Variants in HOMER1 observed in about 807,000 individuals in gnomAD.
The protein encoded by HOMER1 is homer protein homolog 1.
Under a neutral mutation model 48.9 loss-of-function variants are expected in HOMER1, and 3 were observed. The observed-to-expected ratio is 0.06, with a 90% confidence interval of 0.03 to 0.16. The LOEUF (loss-of-function observed/expected upper bound fraction) is 0.16. Ranked by LOEUF, HOMER1 falls within the 10% of genes least tolerant of loss-of-function variation. HOMER1 has a pLI of 1.00. For missense variants in HOMER1, 247 were observed against 411.4 expected, an observed-to-expected ratio of 0.60 and a Z score of 3.46; for synonymous variants, 134 against 146.4, an observed-to-expected ratio of 0.92 and a Z score of 0.61.
intron 5 of HOMER1, among the ~76,000 whole-genome samples, chr5:79,436,119 C>T (rs1026974488): frequency 6.8e-6 from 1 of 147,260 alleles, no homozygotes; most frequent in African/African-American, 2.5e-5. Context: ...GGCGACAGAG[C>T]GAGACTCCGT....
chr5:79,433,583 AC>A (rs1750484052), intron 5 of HOMER1, among the ~76,000 whole-genome samples: 1 of 151,798 alleles, frequency 6.6e-6, no homozygotes. Flanking sequence ...AAACAAACAA[AC>A]AAAAAAGATT....
intron 1 of HOMER1, among the ~76,000 whole-genome samples, chr5:79,484,447 T>C (rs755889192): frequency 7.9e-5 from 12 of 152,034 alleles, no homozygotes; most frequent in Non-Finnish European, 1.8e-4. Context: ...AGAGATTAGC[T>C]AGGTGCCATG....
intron 5 of HOMER1, among the ~76,000 whole-genome samples, chr5:79,403,865 G>T (rs754781504): frequency 6.6e-6 from 1 of 152,154 alleles, no homozygotes; most frequent in Non-Finnish European, 1.5e-5. Flanking sequence ...TACTAAGTGA[G>T]AAAATATCAT....
intron 1 of HOMER1, among the ~76,000 whole-genome samples, chr5:79,469,821 G>A (rs954056012): frequency 6.6e-6 from 1 of 151,988 alleles, no homozygotes; most frequent in East Asian, 1.9e-4. Flanking sequence ...AGCGTTTCAC[G>A]TAACAAAAAC....
intron 1 of HOMER1, among the ~76,000 whole-genome samples, chr5:79,463,664 G>T (rs1751379102): frequency 6.6e-6 from 1 of 152,162 alleles, no homozygotes; most frequent in South Asian, 2.1e-4. Flanking sequence ...TACTGTAATT[G>T]GTGGCAGTTC....
chr5:79,387,392 G>C (rs1438834102), intron 8 of HOMER1, among the ~76,000 whole-genome samples: 1 of 152,040 alleles, frequency 6.6e-6, no homozygotes, highest in Non-Finnish European at 1.5e-5. Context: ...GCCTCCCAAA[G>C]TACTGGGATT....
rs199554458 is a variant in HOMER1, at chr5:79,400,355, C to CT, written c.684+1543dup. Among the ~76,000 whole-genome samples, 823 of 141,276 alleles carry CT rather than the reference C, an allele frequency of 5.8e-3. 1 individual carries two copies. The highest frequency in any genetic ancestry group is 0.012 in the African/African-American group (457 of 38,718). 92.7% of individuals were successfully genotyped at this position (141,276 alleles called of 152,430 possible). Reference sequence around the variant, plus strand: ...GTCTCAACTGCATTTCCTTTTCTTTCTTTTTTTTTTTTTTTCTGAGATAAG... The same window carrying CT: ...GTCTCAACTGCATTTCCTTTTCTTTCTTTTTTTTTTTTTTTTCTGAGATAAG... On this transcript the variant is annotated intron_variant, in intron 6 of 8. Coordinates refer to ENST00000334082, the MANE Select transcript of HOMER1 (RefSeq NM_004272.5).
chr5:79,464,400 G>GC (rs1272014885), intron 1 of HOMER1, among the ~76,000 whole-genome samples: 1 of 152,154 alleles, frequency 6.6e-6, no homozygotes, highest in African/African-American at 2.4e-5. Flanking sequence ...GGCAAGAGAA[G>GC]CTGAACAATA....
At chr5:79,443,203 A>G (rs1418921660) in intron 4 of HOMER1, among the ~76,000 whole-genome samples, 1 of 152,258 alleles carries the variant, frequency 6.6e-6, no homozygotes, top group Non-Finnish European at 1.5e-5. Flanking sequence ...GCAAAACTAG[A>G]GTGGTAATTT....
chr5:79,389,942 CATTATT>C (rs1245768749), intron 8 of HOMER1, among the ~76,000 whole-genome samples: 1 of 152,202 alleles, frequency 6.6e-6, no homozygotes, highest in East Asian at 1.9e-4. Flanking sequence ...ATAACAAGCA[CATTATT>C]ATTAAGTGTG....
At chr5:79,438,010 G>A (rs1005181463) in intron 5 of HOMER1, among the ~76,000 whole-genome samples, 1 of 152,092 alleles carries the variant, frequency 6.6e-6, no homozygotes, top group Non-Finnish European at 1.5e-5. Flanking sequence ...TGACAATGAG[G>A]TCTCCCAATG....
intron 5 of HOMER1, among the ~76,000 whole-genome samples, chr5:79,407,658 AAG>A (rs1749701297): frequency 6.6e-6 from 1 of 152,226 alleles, no homozygotes; most frequent in Non-Finnish European, 1.5e-5. Flanking sequence ...AAAGAGAAAA[AAG>A]AAAAAGAGTT....
intron 1 of HOMER1, among the ~76,000 whole-genome samples, chr5:79,488,346 T>A (rs1752177149): frequency 6.6e-6 from 1 of 152,248 alleles, no homozygotes; most frequent in South Asian, 2.1e-4. Context: ...CAGTACCAGA[T>A]ACCCAATCCA....
intron 5 of HOMER1, among the ~76,000 whole-genome samples, chr5:79,420,566 C>T (rs927221552): frequency 3.3e-5 from 5 of 152,198 alleles, no homozygotes; most frequent in African/African-American, 4.8e-5. Flanking sequence ...AATTATTTCT[C>T]TTATTCCCCC....
chr5:79,460,737 T>C (rs1751298115), intron 1 of HOMER1, among the ~76,000 whole-genome samples: 1 of 152,136 alleles, frequency 6.6e-6, no homozygotes, highest in African/African-American at 2.4e-5. Flanking sequence ...TGGCATCTAG[T>C]GGGTAGCATC....
chr5:79,428,462 A>T (rs1750331335), intron 5 of HOMER1, among the ~76,000 whole-genome samples: 1 of 152,166 alleles, frequency 6.6e-6, no homozygotes, highest in South Asian at 2.1e-4. Flanking sequence ...GTTTAAAAAA[A>T]AGAAAAGATA....
rs934174175 is a variant in HOMER1 at position 79,411,315 on chromosome 5, C to A, written c.528-9260G>T. 5.3e-5 allele frequency among the ~76,000 whole-genome samples: 8 copies of A among 151,892 alleles called. No homozygotes were observed. In the East Asian group the frequency reaches 1.6e-3, roughly 30 times the overall value. ...GCCTGGGCAACATGGTGAAACCCAA[C>A]TTCTACCAAAAATAGAAAAATTAGC... is the stretch of plus-strand genomic sequence containing the variant. On this transcript the variant is annotated intron_variant, in intron 5 of 8. Transcript: ENST00000334082.
chr5:79,480,481 A>G (rs553227599), intron 1 of HOMER1, among the ~76,000 whole-genome samples: 1 of 152,344 alleles, frequency 6.6e-6, no homozygotes, highest in East Asian at 1.9e-4. Flanking sequence ...TTCACTACTT[A>G]TAGAAACTAA....
chr5:79,467,286 G>T (rs1751496657), intron 1 of HOMER1, among the ~76,000 whole-genome samples: 1 of 151,224 alleles, frequency 6.6e-6, no homozygotes, highest in Admixed American at 6.6e-5. Flanking sequence ...AGCTACTCAG[G>T]AGGCTGAGGC....
Sources: gnomAD v4.1 joint callset for allele counts (sites outside exome capture counted in the v4.1 genomes callset) on GRCh38, gnomAD v4.1.1 for gene constraint, MANE v1.5 for transcripts, NCBI Gene and HGNC (gene_info 2026-07-23, HGNC 2026-07-21) for gene names.